The following SPACA7 variants were observed in gnomAD, a reference collection of about 807,000 sequenced individuals.
SPACA7 encodes sperm acrosome associated 7, also known as sperm acrosome-associated protein 7.
Under a neutral mutation model 26.3 loss-of-function variants are expected in SPACA7, and 19 were observed. The ratio of observed to expected loss-of-function variants is 0.72; its 90% CI spans 0.50 to 1.06. The LOEUF is 1.06. SPACA7 is among the 50% of genes least tolerant of loss of function. The probability of loss-of-function intolerance (pLI) is 0.00; values close to 1 mark genes in which losing one functional copy is unlikely to be tolerated. For synonymous variants in SPACA7, 84 were observed against 84.5 expected, an observed-to-expected ratio of 0.99 and a Z score of 0.04; for missense variants, 211 against 229.9, an observed-to-expected ratio of 0.92 and a Z score of 0.53.
At position 112,401,063 on chromosome 13, in the gene SPACA7, T is replaced by A. The variant is rs565584515; in HGVS notation, c.350-6T>A. 6.2e-7 allele frequency: 1 copy of A among 1,612,216 alleles called. No homozygotes were observed. Among genetic ancestry groups the A allele is most frequent in the African/African-American group, 1.3e-5 (1 of 74,992 alleles). On this transcript the variant is annotated splice_polypyrimidine_tract_variant and splice_region_variant and intron_variant, in intron 4 of 6. Coordinates refer to ENST00000283550, the MANE Select transcript of SPACA7 (RefSeq NM_145248.5). ...TTCCCCATTTTTTCCATATTTGTCA[T>A]TAAAGAAGCCAATGCTAATGCAAAT...
At chr13:112,385,556 A>G (rs986919945) in intron 1 of SPACA7, among the ~76,000 whole-genome samples, 5 of 152,198 alleles carry the variant, frequency 3.3e-5, no homozygotes, top group Non-Finnish European at 5.9e-5. Flanking sequence ...TCCAGGCCTT[A>G]TCTATAATCT....
intron 3 of SPACA7, among the ~76,000 whole-genome samples, 180 bp downstream of exon 3, chr13:112,398,318 CAG>C (rs937601510): frequency 6.6e-5 from 10 of 151,968 alleles, no homozygotes; most frequent in African/African-American, 1.9e-4. Context: ...CTTCCCGAGA[CAG>C]AGGAAGTCAA....
intron 5 of SPACA7, among the ~76,000 whole-genome samples, chr13:112,405,069 G>A (rs1003982528): frequency 1.9e-4 from 26 of 138,454 alleles, no homozygotes; most frequent in African/African-American, 4.4e-4. Context: ...TGCAAGCTCC[G>A]CCTCCCGGGT....
chr13:112,394,669 C>T (rs964464299), intron 2 of SPACA7, among the ~76,000 whole-genome samples: 2 of 152,208 alleles, frequency 1.3e-5, no homozygotes, highest in Non-Finnish European at 2.9e-5. Context: ...GGGAACTGCC[C>T]CAGGCAGGAG....
intron 5 of SPACA7, among the ~76,000 whole-genome samples, chr13:112,408,948 T>C (rs1443637405): frequency 2.6e-5 from 4 of 152,184 alleles, no homozygotes; most frequent in Non-Finnish European, 4.4e-5. Context: ...GGCATCATGC[T>C]ACCTGACTTC....
chr13:112,401,100 T>C lies in SPACA7; in HGVS notation c.381T>C (p.Asp127=). 6.2e-7 allele frequency: 1 copy of C among 1,614,202 alleles called. No individual in the cohort carries two copies. The highest frequency in any genetic ancestry group is 8.5e-7 in the Non-Finnish European group (1 of 1,180,034). ...ATGCTAATGCAAATCTCCATGGCGA[T>C]CCTTCTGAGAATTATCGTGGGCCAC... The part of the protein sequence containing the change: ...EANANANLHG[D]PSENYRGPQV... The change falls in exon 5 of 7, where the codon GAT becomes GAC. Residue 127 remains aspartate, a synonymous_variant. Transcript: ENST00000283550.
chr13:112,385,845 C>T (rs1447998308), intron 1 of SPACA7, among the ~76,000 whole-genome samples: 1 of 152,112 alleles, frequency 6.6e-6, no homozygotes, highest in African/African-American at 2.4e-5. Context: ...TATATATAAA[C>T]AAGCATACAA....
At chr13:112,384,443 C>G (rs889309490) in intron 1 of SPACA7, among the ~76,000 whole-genome samples, 6 of 151,942 alleles carry the variant, frequency 3.9e-5, no homozygotes, top group African/African-American at 1.5e-4. Context: ...AAGCCAAACA[C>G]CATTTTGTAT....
chr13:112,380,405 C>CAA (rs5806946), intron 1 of SPACA7, among the ~76,000 whole-genome samples: 23,357 of 73,508 alleles, frequency 0.32, 2,875 homozygotes, highest in Non-Finnish European at 0.38. Context: ...AACTCAGTCT[C>CAA]AAAAAAAAAA....
chr13:112,397,003 G>C (rs1885312103), intron 2 of SPACA7, among the ~76,000 whole-genome samples: 1 of 152,210 alleles, frequency 6.6e-6, no homozygotes, highest in East Asian at 1.9e-4. Context: ...TTACAGGCCT[G>C]TAGCCCACCC....
At chr13:112,380,941 C>A (rs1884018959) in intron 1 of SPACA7, among the ~76,000 whole-genome samples, 1 of 152,166 alleles carries the variant, frequency 6.6e-6, no homozygotes, top group Non-Finnish European at 1.5e-5. Flanking sequence ...AATTGTATGA[C>A]TATACCATCT....
chr13:112,388,382 C>T (rs577367214), intron 1 of SPACA7, among the ~76,000 whole-genome samples: 1 of 152,178 alleles, frequency 6.6e-6, no homozygotes, highest in Non-Finnish European at 1.5e-5. Flanking sequence ...CATGGGGCTA[C>T]AGACAGACAC....
intron 1 of SPACA7, chr13:112,382,421 CA>C: frequency 6.5e-7 from 1 of 1,548,522 alleles, no homozygotes; most frequent in Non-Finnish European, 8.7e-7. Context: ...TCTTCAGGTG[CA>C]GGCTGTGAAG....
At chr13:112,380,574 T>A (rs1351709000) in intron 1 of SPACA7, among the ~76,000 whole-genome samples, 1 of 152,026 alleles carries the variant, frequency 6.6e-6, no homozygotes, top group Admixed American at 6.5e-5. Flanking sequence ...CTTCACCACA[T>A]AAGATTTTTC....
At chr13:112,380,610 T>C (rs1394365486) in intron 1 of SPACA7, among the ~76,000 whole-genome samples, 2 of 152,178 alleles carry the variant, frequency 1.3e-5, no homozygotes, top group African/African-American at 2.4e-5. Context: ...CAGAGACTCG[T>C]TACATCTTTC....
At chr13:112,395,974 G>C (rs1232828733) in intron 2 of SPACA7, among the ~76,000 whole-genome samples, 6 of 151,288 alleles carry the variant, frequency 4.0e-5, no homozygotes, top group African/African-American at 1.2e-4. Flanking sequence ...GAAGGGTCAA[G>C]GCAGCCTTTC....
At chr13:112,383,045 A>AGAGAGAGAGAGAGAAAGG (rs781245231) in intron 1 of SPACA7, among the ~76,000 whole-genome samples, 27 of 135,058 alleles carry the variant, frequency 2.0e-4, no homozygotes, top group Non-Finnish European at 2.7e-4. Flanking sequence ...AGAGAGAAAG[A>AGAGAGAGAGAGAGAAAGG]CAGAAGGAAA....
intron 5 of SPACA7, 73 bp from the exon 6 acceptor site, chr13:112,432,371 G>A: frequency 2.3e-6 from 3 of 1,291,958 alleles, no homozygotes; most frequent in Non-Finnish European, 3.4e-6. Context: ...GCTCCCTGAA[G>A]TTAAAGGAAA....
intron 3 of SPACA7, among the ~76,000 whole-genome samples, chr13:112,398,421 C>G (rs1885425043): frequency 6.6e-6 from 1 of 152,048 alleles, no homozygotes; most frequent in South Asian, 2.1e-4. Flanking sequence ...ACTGCAGGAA[C>G]ACAGGGCACA....
Sources: allele counts gnomAD v4.1 joint callset (sites outside exome capture counted in the v4.1 genomes callset), GRCh38; gene constraint gnomAD v4.1.1; transcripts MANE v1.5; gene names NCBI Gene and HGNC (gene_info 2026-07-23, HGNC 2026-07-21).